The following LNX1 variants were observed in gnomAD, a reference collection of about 807,000 sequenced individuals.
The protein encoded by LNX1 is ligand of numb-protein X 1.
Under a neutral mutation model 68.4 loss-of-function variants are expected in LNX1, and 54 were observed. That is an observed-to-expected ratio of 0.79 (90% CI 0.63 to 0.99). LNX1 has a LOEUF of 0.99. Ranked by LOEUF, LNX1 falls within the 50% of genes least tolerant of loss-of-function variation. The probability of loss-of-function intolerance (pLI) is 0.00; values close to 1 mark genes in which losing one functional copy is unlikely to be tolerated. For missense variants in LNX1, 906 were observed against 926.4 expected (o/e 0.98, Z 0.29); for synonymous variants, 336 against 350.0 (o/e 0.96, Z 0.45).
upstream of LNX1, among the ~76,000 whole-genome samples, chr4:53,596,266 T>C (rs536681712): frequency 6.6e-6 from 1 of 152,340 alleles, no homozygotes; most frequent in East Asian, 1.9e-4. Context: ...GTGTGTTGCC[T>C]GGTTTGCAGA....
chr4:53,614,243 C>G (rs1733602782), intron 2 of LNX1, among the ~76,000 whole-genome samples: 1 of 152,148 alleles, frequency 6.6e-6, no homozygotes, highest in African/African-American at 2.4e-5. Flanking sequence ...CCTGTCCCTA[C>G]ATATTCTCCA....
At chr4:53,470,928 T>C (rs1180589784) in intron 9 of LNX1, among the ~76,000 whole-genome samples, 4 of 151,956 alleles carry the variant, frequency 2.6e-5, no homozygotes, top group East Asian at 3.9e-4. Flanking sequence ...AGGTAATTTA[T>C]AGATTCAGTG....
chr4:53,561,913 C>T (rs779747748), intron 2 of LNX1, among the ~76,000 whole-genome samples: 3 of 149,934 alleles, frequency 2.0e-5, no homozygotes, highest in African/African-American at 7.5e-5. Context: ...ACGTTCTGTA[C>T]GTGTATCCCA....
upstream of LNX1, chr4:53,591,640 G>C: frequency 3.2e-6 from 3 of 937,234 alleles, no homozygotes; most frequent in South Asian, 4.9e-5. Flanking sequence ...CCGCCCACCT[G>C]TCATTTACCT....
chr4:53,587,469 C>A (rs1577763639), intron 1 of LNX1, among the ~76,000 whole-genome samples: 1 of 152,054 alleles, frequency 6.6e-6, no homozygotes. Flanking sequence ...ATTTGCCAAC[C>A]ACATAAAAGA....
chr4:53,598,844 T>C (rs1732871029), intron 2 of LNX1, among the ~76,000 whole-genome samples: 1 of 152,240 alleles, frequency 6.6e-6, no homozygotes, highest in South Asian at 2.1e-4. Context: ...AAGACATTAA[T>C]TCATTCACTT....
At chr4:53,493,783 T>C (rs1175377000) in intron 6 of LNX1, among the ~76,000 whole-genome samples, 2 of 152,228 alleles carry the variant, frequency 1.3e-5, no homozygotes, top group Non-Finnish European at 2.9e-5. Flanking sequence ...GAAGTTGACA[T>C]AGACTTGCTG....
intron 1 of LNX1, among the ~76,000 whole-genome samples, chr4:53,590,306 A>T (rs1365760427): frequency 7.9e-5 from 12 of 152,260 alleles, no homozygotes; most frequent in Non-Finnish European, 1.3e-4. Flanking sequence ...GAACAGGAGC[A>T]TAATTCCTAA....
At chr4:53,598,642 C>T (rs1732862846) in intron 2 of LNX1, among the ~76,000 whole-genome samples, 1 of 152,076 alleles carries the variant, frequency 6.6e-6, no homozygotes, top group East Asian at 1.9e-4. Context: ...CATAGGAGGC[C>T]TTTGATAAAT....
intron 2 of LNX1, among the ~76,000 whole-genome samples, chr4:53,607,663 A>G (rs1355175877): frequency 6.6e-6 from 1 of 152,252 alleles, no homozygotes; most frequent in Non-Finnish European, 1.5e-5. Flanking sequence ...CCAAATAGCC[A>G]AGGCAATCCT....
chr4:53,619,569 G>A (rs1476957668), upstream of LNX1, among the ~76,000 whole-genome samples: 1 of 152,150 alleles, frequency 6.6e-6, no homozygotes, highest in Admixed American at 6.6e-5. Flanking sequence ...TTGAGTGACA[G>A]TCCATTGTAA....
chr4:53,498,919 A>G (rs1725272509), intron 4 of LNX1, 76 bp from the exon 5 acceptor site: 1 of 1,072,660 alleles, frequency 9.3e-7, no homozygotes, highest in Non-Finnish European at 1.4e-6. Flanking sequence ...GCCAAACTTC[A>G]GTGTCAGCCA....
At chr4:53,587,799 C>G (rs1732266577) in intron 1 of LNX1, among the ~76,000 whole-genome samples, 1 of 152,152 alleles carries the variant, frequency 6.6e-6, no homozygotes. Flanking sequence ...AATCACCGCT[C>G]CAGGAAGACC....
intron 2 of LNX1, among the ~76,000 whole-genome samples, chr4:53,508,827 A>G (rs1045726403): frequency 5.9e-5 from 9 of 152,308 alleles, no homozygotes; most frequent in Admixed American, 5.9e-4. Flanking sequence ...GGGGGCTCCC[A>G]TGATCTGAGA....
At chr4:53,546,217 T>C (rs985973111) in intron 2 of LNX1, among the ~76,000 whole-genome samples, 7 of 152,312 alleles carry the variant, frequency 4.6e-5, no homozygotes, top group African/African-American at 1.2e-4. Flanking sequence ...TAGAATTAGA[T>C]AAAAATCCCT....
At chr4:53,535,739 A>G (rs1474083336) in intron 2 of LNX1, among the ~76,000 whole-genome samples, 1 of 152,172 alleles carries the variant, frequency 6.6e-6, no homozygotes, top group African/African-American at 2.4e-5. Context: ...TTCCTAGTCT[A>G]TTCCCTGCCT....
intron 6 of LNX1, among the ~76,000 whole-genome samples, chr4:53,485,190 C>T (rs1459915141): frequency 3.9e-5 from 6 of 152,164 alleles, no homozygotes; most frequent in African/African-American, 1.4e-4. Flanking sequence ...GCAAAACTTA[C>T]TAAAAGATAA....
chr4:53,616,502 A>G (rs1442630629), intron 2 of LNX1: 1 of 152,120 alleles, frequency 6.6e-6, no homozygotes, highest in South Asian at 2.1e-4. Flanking sequence ...GAATGGTCTG[A>G]TTCATTTGGC....
chr4:53,612,950 A>T (rs1346700780), intron 2 of LNX1, among the ~76,000 whole-genome samples: 2 of 151,898 alleles, frequency 1.3e-5, no homozygotes, highest in African/African-American at 4.8e-5. Flanking sequence ...GATATCGTTG[A>T]ATGAGTAAAG....
Sources: allele counts gnomAD v4.1 joint callset (sites outside exome capture counted in the v4.1 genomes callset), GRCh38; gene constraint gnomAD v4.1.1; transcripts MANE v1.5; gene names NCBI Gene and HGNC (gene_info 2026-07-23, HGNC 2026-07-21).